PRKD1: variants seen among roughly 807,000 people sequenced by gnomAD.
The protein encoded by PRKD1 is protein kinase D1.
Under a neutral mutation model 95.9 loss-of-function variants are expected in PRKD1, and 63 were observed. The observed-to-expected ratio is 0.66, with a 90% CI of 0.54 to 0.81. The LOEUF is 0.81. Ranked by LOEUF, PRKD1 falls within the 30% of genes least tolerant of loss-of-function variation. PRKD1 has a pLI of 0.00. For synonymous variants in PRKD1, 425 were observed against 423.1 expected (o/e 1.00, Z -0.05); for missense variants, 1,048 against 1,165.3 (o/e 0.90, Z 1.47).
chr14:29,829,062 T>C (rs983935709), intron 1 of PRKD1, among the ~76,000 whole-genome samples: 1 of 152,186 alleles, frequency 6.6e-6, no homozygotes, highest in African/African-American at 2.4e-5. Context: ...TATGAACATA[T>C]GTAGGTAGTC....
intron 1 of PRKD1, among the ~76,000 whole-genome samples, chr14:29,826,782 C>T (rs10136989): frequency 4.8e-4 from 12 of 25,234 alleles, no homozygotes; most frequent in Admixed American, 1.3e-3. Context: ...CATATATATA[C>T]ATATATACAC....
chr14:29,824,925 C>G (rs1891051336), intron 1 of PRKD1, among the ~76,000 whole-genome samples: 1 of 151,996 alleles, frequency 6.6e-6, no homozygotes, highest in Non-Finnish European at 1.5e-5. Flanking sequence ...CAACTGGACA[C>G]TAACTCAGTA....
intron 1 of PRKD1, among the ~76,000 whole-genome samples, chr14:29,912,520 ATAGAG>A (rs1262886797): frequency 8.5e-5 from 13 of 152,342 alleles, no homozygotes; most frequent in African/African-American, 3.1e-4. Context: ...GAAACCAAGT[ATAGAG>A]TAATAGGTAT....
chr14:29,761,610 C>A (rs1953721), intron 1 of PRKD1, among the ~76,000 whole-genome samples: 56,050 of 151,874 alleles, frequency 0.37, 11,436 homozygotes, highest in African/African-American at 0.54. Flanking sequence ...CCTGTGCTAT[C>A]AGCTGATTAT....
intron 1 of PRKD1, among the ~76,000 whole-genome samples, chr14:29,839,653 C>T (rs1381668096): frequency 6.6e-6 from 1 of 151,982 alleles, no homozygotes; most frequent in East Asian, 2.0e-4. Context: ...TGCCCTGAAG[C>T]AAACTTCTGC....
chr14:29,753,528 G>T (rs1887569773), intron 1 of PRKD1, among the ~76,000 whole-genome samples: 1 of 152,088 alleles, frequency 6.6e-6, no homozygotes, highest in African/African-American at 2.4e-5. Context: ...TGGCCAGACA[G>T]AACTCATTCC....
chr14:29,793,137 G>A (rs1889622751), intron 1 of PRKD1, among the ~76,000 whole-genome samples: 1 of 151,926 alleles, frequency 6.6e-6, no homozygotes, highest in South Asian at 2.1e-4. Flanking sequence ...ATATACAAGG[G>A]TAACAAAAGC....
At chr14:29,793,221 G>T (rs934544493) in intron 1 of PRKD1, among the ~76,000 whole-genome samples, 1 of 151,434 alleles carries the variant, frequency 6.6e-6, no homozygotes, top group Non-Finnish European at 1.5e-5. Context: ...GAATGCAATC[G>T]CACTTAAAAA....
chr14:29,817,042 A>G (rs1399633249), intron 1 of PRKD1, among the ~76,000 whole-genome samples: 1 of 152,224 alleles, frequency 6.6e-6, no homozygotes, highest in Non-Finnish European at 1.5e-5. Flanking sequence ...ATATATTTAT[A>G]TACTTTACTT....
intron 4 of PRKD1, among the ~76,000 whole-genome samples, chr14:29,649,365 C>A (rs1380388278): frequency 6.6e-6 from 1 of 151,266 alleles, no homozygotes; most frequent in East Asian, 1.9e-4. Context: ...CTGTGGCTTT[C>A]CTTTTGTCTC....
chr14:29,734,181 T>C (rs943174398), intron 1 of PRKD1, among the ~76,000 whole-genome samples: 1 of 151,798 alleles, frequency 6.6e-6, no homozygotes, highest in Non-Finnish European at 1.5e-5. Flanking sequence ...TAGCTGGGAT[T>C]ACAGGTGCCC....
intron 12 of PRKD1, among the ~76,000 whole-genome samples, chr14:29,625,896 A>G (rs1879586175): frequency 6.6e-6 from 1 of 152,294 alleles, no homozygotes; most frequent in East Asian, 1.9e-4. Flanking sequence ...AAGCATTAAT[A>G]TTAAATATTT....
chr14:29,608,938 T>G (rs1404350013), intron 13 of PRKD1, among the ~76,000 whole-genome samples: 3 of 152,214 alleles, frequency 2.0e-5, no homozygotes, highest in Non-Finnish European at 4.4e-5. Flanking sequence ...TGATATTAAC[T>G]TAGAACAAAT....
rs1421835641 is a variant in PRKD1 at position 29,635,490 on chromosome 14, AAAC to A, written c.1190+797_1190+799del. Among the ~76,000 whole-genome samples, 5 of 152,338 alleles carry A rather than the reference AAAC, an allele frequency of 3.3e-5. No individual in the cohort carries two copies. In the South Asian group the frequency reaches 8.3e-4, roughly 25 times the overall value. On this transcript the variant is annotated intron_variant, in intron 7 of 17. Transcript: ENST00000331968. ...GTTCATTATGCCATTAAATGGAAAAAAACAATCATTTTATTGCTCTACTCTCAT... is the reference window on the plus strand; with the variant it reads ...GTTCATTATGCCATTAAATGGAAAAAAATCATTTTATTGCTCTACTCTCAT...
In PRKD1 at chr14:29,698,325, A is replaced by G. The variant is rs552106039; in HGVS notation, c.403+27211T>C. Among the ~76,000 whole-genome samples the G allele has an allele frequency of 2.7e-4, 41 of 152,318 alleles. No individual in the cohort carries two copies. The East Asian group carries it at 4.3e-3, about 16-fold the overall frequency. ...TAATGAAGAGAGCAAAGTAACAAGT[A>G]TAACAGTATTATTTATAAGGAAAGC... On this transcript the variant is annotated intron_variant, in intron 2 of 17. Coordinates refer to ENST00000331968, the MANE Select transcript of PRKD1 (RefSeq NM_002742.3).
chr14:29,909,639 T>C (rs997442400), intron 1 of PRKD1, among the ~76,000 whole-genome samples: 1 of 152,128 alleles, frequency 6.6e-6, no homozygotes, highest in East Asian at 1.9e-4. Flanking sequence ...AGCTAAGGGA[T>C]TGTAAATACA....
chr14:29,846,357 G>T (rs1388081632), intron 1 of PRKD1, among the ~76,000 whole-genome samples: 1 of 152,170 alleles, frequency 6.6e-6, no homozygotes, highest in African/African-American at 2.4e-5. Context: ...TTGGTCAAGG[G>T]TGGTCTTCCT....
At chr14:29,638,049 G>T (rs1880498361) in intron 6 of PRKD1, among the ~76,000 whole-genome samples, 1 of 152,068 alleles carries the variant, frequency 6.6e-6, no homozygotes, top group Non-Finnish European at 1.5e-5. Flanking sequence ...TTTCTTGAAG[G>T]AATATTGCCA....
chr14:29,860,841 T>C (rs1892684784), intron 1 of PRKD1, among the ~76,000 whole-genome samples: 2 of 152,182 alleles, frequency 1.3e-5, no homozygotes, highest in Non-Finnish European at 2.9e-5. Context: ...GGATAATAAG[T>C]TGACTCAAAT....
Sources: gnomAD v4.1 joint callset for allele counts (sites outside exome capture counted in the v4.1 genomes callset) on GRCh38, gnomAD v4.1.1 for gene constraint, MANE v1.5 for transcripts, NCBI Gene and HGNC (gene_info 2026-07-23, HGNC 2026-07-21) for gene names.